The following ANO1 variants were observed in gnomAD, a reference collection of about 807,000 sequenced individuals.
The protein encoded by ANO1 is anoctamin 1.
ANO1 carries 59 observed loss-of-function variants against 124.0 expected under a neutral mutation model. The ratio of observed to expected loss-of-function variants is 0.48; its 90% CI spans 0.39 to 0.59. The LOEUF (loss-of-function observed/expected upper bound fraction) is 0.59. ANO1 is among the 20% of genes least tolerant of loss of function. The probability of loss-of-function intolerance (pLI) is 0.00; values close to 1 mark genes in which losing one functional copy is unlikely to be tolerated. For missense variants in ANO1, 1,059 were observed against 1,328.0 expected, an observed-to-expected ratio of 0.80 and a Z score of 3.15; for synonymous variants, 529 against 532.0, an observed-to-expected ratio of 0.99 and a Z score of 0.08.
At chr11:70,021,645 C>T (rs939427414) in intron 1 of ANO1, among the ~76,000 whole-genome samples, 41 of 152,170 alleles carry the variant, frequency 2.7e-4, no homozygotes, top group Admixed American at 1.3e-4. Context: ...CTCTCTTCCT[C>T]GGTTTTTCCC....
At chr11:70,073,242 T>C (rs781975444) in intron 1 of ANO1, among the ~76,000 whole-genome samples, 6 of 152,038 alleles carry the variant, frequency 3.9e-5, no homozygotes, top group Admixed American at 6.5e-5. Flanking sequence ...GGGTTTCCGA[T>C]ACCAATGCAC....
intron 1 of ANO1, among the ~76,000 whole-genome samples, chr11:70,047,080 CA>C (rs10660510): frequency 7.8e-4 from 58 of 73,886 alleles, no homozygotes; most frequent in Middle Eastern, 0.018. Context: ...GACTCTGTCT[CA>C]AAAAAAAAAA....
At chr11:69,979,787 G>A in the ANO1 span, among the ~76,000 whole-genome samples, 3 of 152,178 alleles carry the variant, frequency 2.0e-5, no homozygotes, top group Non-Finnish European at 2.9e-5. Flanking sequence ...TTGGCCAACA[G>A]GAGAATTGCA....
the ANO1 span, among the ~76,000 whole-genome samples, chr11:69,970,373 G>T: frequency 6.6e-6 from 1 of 152,232 alleles, no homozygotes; most frequent in African/African-American, 2.4e-5. Context: ...GGAGCCCAGA[G>T]CTGAGCTGAC....
In ANO1 at chr11:70,132,019, G is replaced by A. The variant is rs367716754; in HGVS notation, c.1198G>A (p.Ala400Thr). 34 of 1,605,856 alleles carry A rather than the reference G, an allele frequency of 2.1e-5. No homozygotes were observed. Among genetic ancestry groups the A allele is most frequent in the Admixed American group, 1.5e-4 (9 of 59,600 alleles). ...GAGCTCAGCCTGCGCCACGGCCCGC[G>A]CCAGCCACCTCTTCGACAACCCCGC... Reference protein sequence around the residue: ...KMSSACATARASHLFDNPATV... With the variant: ...KMSSACATARTSHLFDNPATV... The change falls in exon 11 of 26, where the codon GCC becomes ACC. Residue 400 changes from alanine to threonine, a missense_variant. Transcript: ENST00000355303.
At chr11:70,169,208 C>T (rs1042312611) in intron 21 of ANO1, among the ~76,000 whole-genome samples, 5 of 152,252 alleles carry the variant, frequency 3.3e-5, no homozygotes, top group African/African-American at 7.2e-5. Context: ...CTGGACATCA[C>T]GTCCCGAGTT....
At chr11:70,143,880 A>G (rs946347469) in intron 11 of ANO1, among the ~76,000 whole-genome samples, 1 of 152,146 alleles carries the variant, frequency 6.6e-6, no homozygotes, top group South Asian at 2.1e-4. Flanking sequence ...TAGGTGCACA[A>G]TTCAGTGGCA....
intron 1 of ANO1, among the ~76,000 whole-genome samples, chr11:70,002,461 C>CAAAAAAAAAAAAAAAA (rs56246522): frequency 4.2e-5 from 4 of 94,946 alleles, no homozygotes; most frequent in African/African-American, 1.1e-4. Flanking sequence ...GAGACTCCAC[C>CAAAAAAAAAAAAAAAA]AAAAAAAAAA....
chr11:70,128,715 G>T (rs2046623578), intron 10 of ANO1, among the ~76,000 whole-genome samples: 1 of 152,216 alleles, frequency 6.6e-6, no homozygotes, highest in Non-Finnish European at 1.5e-5. Flanking sequence ...TGCTGCCCTT[G>T]TACCTCCGGT....
chr11:70,112,854 CA>C (rs1348636924), intron 7 of ANO1, among the ~76,000 whole-genome samples: 3 of 152,170 alleles, frequency 2.0e-5, no homozygotes, highest in Non-Finnish European at 4.4e-5. Context: ...CCACCGTGCC[CA>C]GCCTAATTCC....
chr11:70,111,615 T>A, intron 6 of ANO1, 92 bp from the exon 7 acceptor site: 1 of 1,247,924 alleles, frequency 8.0e-7, no homozygotes, highest in Non-Finnish European at 1.2e-6. Flanking sequence ...AAGCTCTTAG[T>A]GGCTGAGATG....
rs182672030 is a variant in ANO1, at chr11:70,188,809, A to G, written c.*805A>G. 6.6e-6 allele frequency: 1 copy of G among 152,336 alleles called. No individual in the cohort carries two copies. The highest frequency in any genetic ancestry group is 2.4e-5 in the African/African-American group (1 of 41,454). 9.4% of individuals were successfully genotyped at this position (152,336 alleles called of 1,614,324 possible). A position where few individuals can be genotyped will look rare whatever the true frequency, so the allele number is the denominator to read the frequency against. ...GGCAGAGAGAGATGACCTCGGAAGC[A>G]TTTCCACAGATGGTGTCAGGGTTTC... On this transcript the variant is annotated 3_prime_UTR_variant, in exon 26 of 26. Transcript: ENST00000355303.
intron 1 of ANO1, among the ~76,000 whole-genome samples, chr11:70,027,649 C>T (rs1363001653): frequency 2.0e-5 from 3 of 152,230 alleles, no homozygotes; most frequent in African/African-American, 7.2e-5. Flanking sequence ...ATTGAATCAA[C>T]AGCAGTTGCC....
chr11:70,102,916 CAA>C (rs2045333543), intron 2 of ANO1, 148 bp from the exon 3 acceptor site: 1 of 619,766 alleles, frequency 1.6e-6, no homozygotes, highest in African/African-American at 1.9e-5. Context: ...AGCTTTGCCT[CAA>C]AGTGTTGTCA....
At chr11:70,180,651 G>T (rs545270267) in intron 23 of ANO1, among the ~76,000 whole-genome samples, 7 of 152,264 alleles carry the variant, frequency 4.6e-5, no homozygotes, top group African/African-American at 1.7e-4. Context: ...AAGAGACAGA[G>T]ATAGGTGGGA....
intron 1 of ANO1, among the ~76,000 whole-genome samples, chr11:70,086,711 G>T (rs558237833): frequency 1.3e-4 from 20 of 152,358 alleles, no homozygotes; most frequent in African/African-American, 3.8e-4. Flanking sequence ...CTGGCAGTGG[G>T]ATGTGCCCTT....
chr11:70,038,789 A>C (rs1591050679), intron 1 of ANO1, among the ~76,000 whole-genome samples: 1 of 152,340 alleles, frequency 6.6e-6, no homozygotes, highest in East Asian at 1.9e-4. Flanking sequence ...AGGTAGGAAA[A>C]ACCTCAGAGG....
At chr11:70,130,847 C>T (rs2046727483) in intron 10 of ANO1, among the ~76,000 whole-genome samples, 1 of 152,200 alleles carries the variant, frequency 6.6e-6, no homozygotes, top group African/African-American at 2.4e-5. Context: ...TTCCTTCCGG[C>T]CCAGCCCCCG....
At chr11:70,148,216 C>T (rs1366456742) in intron 11 of ANO1, among the ~76,000 whole-genome samples, 4 of 152,164 alleles carry the variant, frequency 2.6e-5, no homozygotes, top group Admixed American at 1.3e-4. Flanking sequence ...TTTATTTGCA[C>T]GTCAGTGCTG....
Sources: allele counts gnomAD v4.1 joint callset (sites outside exome capture counted in the v4.1 genomes callset), GRCh38; gene constraint gnomAD v4.1.1; transcripts MANE v1.5; gene names NCBI Gene and HGNC (gene_info 2026-07-23, HGNC 2026-07-21).